Variants in MRPL44 observed in about 807,000 individuals in gnomAD.
MRPL44 encodes mitochondrial ribosomal protein L44, also known as large ribosomal subunit protein mL44.
Under a neutral mutation model 25.9 loss-of-function variants are expected in MRPL44, and 21 were observed. The ratio of observed to expected loss-of-function variants is 0.81; its 90% CI spans 0.58 to 1.17. The LOEUF is 1.17. MRPL44 is among the 50% of genes most tolerant of loss of function. The pLI is 0.00. For missense variants in MRPL44, 410 were observed against 398.9 expected (o/e 1.03, Z -0.24); for synonymous variants, 169 against 151.0 (o/e 1.12, Z -0.87).
At position 223,967,674 on chromosome 2, in the gene MRPL44, T is replaced by A. The variant is rs1689766961; in HGVS notation, c.*640T>A. 1 of 152,240 alleles carries A rather than the reference T, an allele frequency of 6.6e-6. No individual in the cohort carries two copies. Among genetic ancestry groups the A allele is most frequent in the Non-Finnish European group, 1.5e-5 (1 of 68,044 alleles). 9.4% of individuals were successfully genotyped at this position (152,240 alleles called of 1,614,324 possible). A position where few individuals can be genotyped will look rare whatever the true frequency, so the allele number is the denominator to read the frequency against. ...AATTTATGTATCTTATGTGAATTTT[T>A]TGCTGTAATACCAATAAAGTTTTTT... On this transcript the variant is annotated 3_prime_UTR_variant, in exon 4 of 4. Transcript: ENST00000258383.
chr2:223,957,470 G>T lies in MRPL44; in HGVS notation c.-3G>T. ...TCCGTCTTCCATCGTTTTCTCTCGT[G>T]CAATGGCGTCCGGGCTGGTAAGATT... On this transcript the variant is annotated 5_prime_UTR_variant, in exon 1 of 4. Transcript: ENST00000258383. 6.2e-7 allele frequency: 1 copy of T among 1,614,124 alleles called. No homozygotes were observed. Among genetic ancestry groups the T allele is most frequent in the Non-Finnish European group, 8.5e-7 (1 of 1,180,026 alleles).
chr2:223,957,665 C>T lies in MRPL44; in HGVS notation c.179+14C>T, dbSNP rs1439567091. 1.3e-6 allele frequency: 2 copies of T among 1,598,980 alleles called. No homozygotes were observed. The highest frequency in any genetic ancestry group is 1.7e-6 in the Non-Finnish European group (2 of 1,177,840). ...GCCCGTGCGCCGGTAGGAGCCACCT[C>T]GGGAAGAGGTCTCAGGGTGGCGGTC... On this transcript the variant is annotated intron_variant, in intron 1 of 3. Coordinates refer to ENST00000258383, the MANE Select transcript of MRPL44 (RefSeq NM_022915.5).
upstream of MRPL44, among the ~76,000 whole-genome samples, chr2:223,957,073 A>T (rs3806487): frequency 0.32 from 48,027 of 152,182 alleles, 8,781 homozygotes; most frequent in Non-Finnish European, 0.41. Flanking sequence ...AATATAAATT[A>T]AAAATGTTTT....
At chr2:223,952,661 CTT>C, upstream of MRPL44, among the ~76,000 whole-genome samples, 1 of 152,288 alleles carries the variant, frequency 6.6e-6, no homozygotes, top group African/African-American at 2.4e-5. Context: ...GTGAACCTAA[CTT>C]GATATGTAAC....
chr2:223,967,231 A>G lies in MRPL44; in HGVS notation c.*197A>G, dbSNP rs1689756210. On this transcript the variant is annotated 3_prime_UTR_variant, in exon 4 of 4. Transcript: ENST00000258383. Reference sequence around the variant, plus strand: ...TTTTTCTGAAATCTTGGTTTGATCAAATCTTTTTTTTTTTCTCTTGAGATG... The same window carrying G: ...TTTTTCTGAAATCTTGGTTTGATCAGATCTTTTTTTTTTTCTCTTGAGATG... 6.9e-6 allele frequency: 4 copies of G among 580,724 alleles called. No homozygotes were observed. The highest frequency in any genetic ancestry group is 3.1e-5 in the East Asian group (1 of 32,684). The allele number at this position is 580,724 out of a possible 1,614,324, so 36.0% of individuals were successfully genotyped here.
chr2:223,962,374 A>C (rs1043921823), intron 2 of MRPL44, among the ~76,000 whole-genome samples: 55 of 152,224 alleles, frequency 3.6e-4, no homozygotes, highest in African/African-American at 1.3e-3. Context: ...TGCTTGGAGG[A>C]GTGTTGTAAT....
the MRPL44 span, among the ~76,000 whole-genome samples, chr2:223,951,056 C>T: frequency 6.6e-6 from 1 of 152,166 alleles, no homozygotes. Flanking sequence ...TTCCCCCTGA[C>T]TCTATGAGGT....
chr2:223,952,535 GACTGATACAATTATGGCAAT>G (rs1689507579), upstream of MRPL44, among the ~76,000 whole-genome samples: 2 of 152,144 alleles, frequency 1.3e-5, no homozygotes, highest in Admixed American at 6.5e-5. Context: ...GTAAGACCCT[GACTGATACAATTATGGCAAT>G]ACTGATACTT....
chr2:223,957,616 G>A lies in MRPL44; in HGVS notation c.144G>A (p.Gln48=). The A allele has an allele frequency of 6.2e-7, 1 of 1,611,240 alleles. No homozygotes were observed. ...AFRFQKELER[Q]RLLRCPPPPV... is the part of the protein sequence containing the mutation. ...GCTTCCAGAAGGAGTTAGAGCGGCA[G>A]CGCCTTCTGCGGTGCCCGCCGCCGC... The change falls in exon 1 of 4, where the codon CAG becomes CAA. Residue 48 remains glutamine, a synonymous_variant. Coordinates refer to ENST00000258383, the MANE Select transcript of MRPL44 (RefSeq NM_022915.5).
upstream of MRPL44, among the ~76,000 whole-genome samples, chr2:223,956,272 T>C (rs976706470): frequency 1.4e-4 from 21 of 152,202 alleles, no homozygotes; most frequent in African/African-American, 5.1e-4. Flanking sequence ...GCCCCTCTTT[T>C]GCTCTCTCCC....
upstream of MRPL44, among the ~76,000 whole-genome samples, chr2:223,956,938 A>G (rs1289870305): frequency 6.6e-6 from 1 of 152,150 alleles, no homozygotes. Flanking sequence ...TTTAAAGAAA[A>G]ATTTTAATTT....
At position 223,964,509 on chromosome 2, in the gene MRPL44, A is replaced by C. The variant is rs994201008; in HGVS notation, c.827+575A>C. On this transcript the variant is annotated intron_variant, in intron 3 of 3. Coordinates refer to ENST00000258383, the MANE Select transcript of MRPL44 (RefSeq NM_022915.5). Reference sequence around the variant, plus strand: ...AGGTAAATATTTTTCTAATCCTTGTATCACGAAAGACTTTATAAGTATAAA... The same window carrying C: ...AGGTAAATATTTTTCTAATCCTTGTCTCACGAAAGACTTTATAAGTATAAA... Among the ~76,000 whole-genome samples, 7 of 152,354 alleles carry C rather than the reference A, an allele frequency of 4.6e-5. 1 individual carries two copies. In the South Asian group the frequency reaches 1.4e-3, roughly 32 times the overall value.
intron 3 of MRPL44, among the ~76,000 whole-genome samples, chr2:223,965,340 ATTG>A (rs545412366): frequency 3.3e-4 from 50 of 152,254 alleles, no homozygotes; most frequent in Admixed American, 7.8e-4. Context: ...TTTATTTCAT[ATTG>A]TTGTTGTTTT....
chr2:223,954,628 A>G (rs759528368), upstream of MRPL44, among the ~76,000 whole-genome samples: 6 of 152,226 alleles, frequency 3.9e-5, no homozygotes, highest in Non-Finnish European at 8.8e-5. Context: ...GCCTTTCCAC[A>G]TAGTTTCTTA....
chr2:223,958,128 C>T (rs568327743), intron 1 of MRPL44, among the ~76,000 whole-genome samples: 1 of 152,300 alleles, frequency 6.6e-6, no homozygotes, highest in Admixed American at 6.5e-5. Flanking sequence ...ACAGGTTTGG[C>T]AGAGAGAGAC....
At position 223,959,892 on chromosome 2, in the gene MRPL44, CTGAG is replaced by C; in HGVS notation, c.542_545del (p.Ser181LysfsTer38). On this transcript the variant is annotated frameshift_variant, in exon 2 of 4. Coordinates refer to ENST00000258383, the MANE Select transcript of MRPL44 (RefSeq NM_022915.5). LOFTEE classifies it high-confidence loss of function. ...AAACTTGGCTGTGGAGCAGTTAACA[CTGAG>C]TGAAGAATTCCCAGTGCCCCCAGCT... 1 of 1,614,160 alleles carries C rather than the reference CTGAG, an allele frequency of 6.2e-7. No individual in the cohort carries two copies. Among genetic ancestry groups the C allele is most frequent in the South Asian group, 1.1e-5 (1 of 91,084 alleles).
Position 223,959,835 on chromosome 2 carries a change from A to G in MRPL44, c.481A>G (p.Thr161Ala). 1 of 1,614,174 alleles carries G rather than the reference A, an allele frequency of 6.2e-7. No individual in the cohort carries two copies. The highest frequency in any genetic ancestry group is 1.1e-5 in the South Asian group (1 of 91,082). ...EGIKNLVDFLTGEEVVCHVAR... is the reference protein window; with the variant it reads ...EGIKNLVDFLAGEEVVCHVAR... ...CATAAAAAATCTTGTTGACTTTCTC[A>G]CTGGTGAGGAAGTCGTGTGTCACGT... Residue 161 changes from threonine to alanine, a missense_variant, in exon 2 of 4, where the codon ACT becomes GCT. Coordinates refer to ENST00000258383, the MANE Select transcript of MRPL44 (RefSeq NM_022915.5).
At chr2:223,952,791 A>G (rs549145530), upstream of MRPL44, among the ~76,000 whole-genome samples, 25 of 152,164 alleles carry the variant, frequency 1.6e-4, no homozygotes, top group Middle Eastern at 3.4e-3. Flanking sequence ...CCTCATTTGC[A>G]TTTTCTGTAC....
At chr2:223,959,450 T>A (rs1187774481) in intron 1 of MRPL44, 84 bp from the exon 2 acceptor site, 30 of 1,021,872 alleles carry the variant, frequency 2.9e-5, no homozygotes, top group Non-Finnish European at 3.9e-5. Context: ...ATATAATTAA[T>A]AACATTACAA....
Sources: gnomAD v4.1 joint callset for allele counts (sites outside exome capture counted in the v4.1 genomes callset) on GRCh38, gnomAD v4.1.1 for gene constraint, MANE v1.5 for transcripts, NCBI Gene and HGNC (gene_info 2026-07-23, HGNC 2026-07-21) for gene names.